Variants in CNTNAP2 observed in about 807,000 individuals in gnomAD.
CNTNAP2 encodes the protein contactin-associated protein-like 2.
In CNTNAP2, 98 loss-of-function variants were observed where a neutral mutation model predicts 155.2. The observed-to-expected ratio is 0.63, with a 90% CI of 0.54 to 0.75. The LOEUF (loss-of-function observed/expected upper bound fraction) is 0.75, where lower values mean the gene tolerates loss of function less well. Among genes scored for constraint, CNTNAP2 ranks in the 30% least tolerant of loss-of-function variants. CNTNAP2 has a pLI of 0.00. For missense variants in CNTNAP2, 1,727 were observed against 1,688.1 expected (o/e 1.02, Z -0.40); for synonymous variants, 651 against 631.2 (o/e 1.03, Z -0.47).
At chr7:146,484,526 C>T (rs961479596) in intron 1 of CNTNAP2, among the ~76,000 whole-genome samples, 13 of 151,560 alleles carry the variant, frequency 8.6e-5, no homozygotes, top group East Asian at 3.9e-4. Flanking sequence ...TATCCTGAGT[C>T]GTTTATATTC....
At chr7:147,064,670 A>G (rs956534831) in intron 4 of CNTNAP2, among the ~76,000 whole-genome samples, 1 of 152,228 alleles carries the variant, frequency 6.6e-6, no homozygotes, top group Non-Finnish European at 1.5e-5. Flanking sequence ...TATTCAATTA[A>G]TAGCAGAGGG....
chr7:147,231,008 G>A (rs1803667108), intron 8 of CNTNAP2, among the ~76,000 whole-genome samples: 1 of 152,182 alleles, frequency 6.6e-6, no homozygotes, highest in Admixed American at 6.5e-5. Flanking sequence ...ATGGTAGAAG[G>A]CAGAAGACAA....
At chr7:147,066,421 A>G (rs1364385938) in intron 4 of CNTNAP2, among the ~76,000 whole-genome samples, 1 of 152,204 alleles carries the variant, frequency 6.6e-6, no homozygotes, top group Non-Finnish European at 1.5e-5. Context: ...TGCCTTCTAG[A>G]TGGGCTTTCC....
intron 3 of CNTNAP2, among the ~76,000 whole-genome samples, chr7:146,973,059 G>A (rs1266498030): frequency 6.6e-6 from 1 of 151,996 alleles, no homozygotes; most frequent in Non-Finnish European, 1.5e-5. Context: ...AGGAAGTTTT[G>A]CTCTTGTTTC....
In CNTNAP2 at chr7:148,172,222, G is replaced by T; in HGVS notation, c.2774-20G>T. On this transcript the variant is annotated intron_variant, in intron 17 of 23. Transcript: ENST00000361727. ...GCAGAGGTTATTCCCTCTGAACTCT[G>T]TGCCTTCTGTCATTCCCAGGTGGTG... is the stretch of plus-strand genomic sequence containing the variant. The T allele has an allele frequency of 6.2e-7, 1 of 1,611,546 alleles. No homozygotes were observed. Among genetic ancestry groups the T allele is most frequent in the South Asian group, 1.1e-5 (1 of 91,040 alleles).
At chr7:147,115,476 C>A (rs116472238) in intron 5 of CNTNAP2, among the ~76,000 whole-genome samples, 2,742 of 152,254 alleles carry the variant, frequency 0.018, 80 homozygotes, top group African/African-American at 0.062. Context: ...GGTTTAGTTT[C>A]TTTACATAAT....
chr7:147,864,607 G>A (rs893252330), intron 13 of CNTNAP2, among the ~76,000 whole-genome samples: 5 of 152,032 alleles, frequency 3.3e-5, no homozygotes, highest in Admixed American at 3.3e-4. Context: ...ATTTCATTGA[G>A]CAGTGTTTTG....
At chr7:146,477,862 G>A (rs1312587133) in intron 1 of CNTNAP2, among the ~76,000 whole-genome samples, 1 of 152,096 alleles carries the variant, frequency 6.6e-6, no homozygotes, top group Non-Finnish European at 1.5e-5. Context: ...GGGTCAGAAA[G>A]TGAGTAATAT....
intron 12 of CNTNAP2, among the ~76,000 whole-genome samples, chr7:147,586,332 G>A (rs1053919734): frequency 2.9e-5 from 4 of 137,772 alleles, no homozygotes; most frequent in African/African-American, 1.0e-4. Flanking sequence ...GGTCAGCTGG[G>A]CCTGAATTTC....
intron 1 of CNTNAP2, among the ~76,000 whole-genome samples, chr7:146,709,081 G>A (rs1801017244): frequency 6.6e-6 from 1 of 151,966 alleles, no homozygotes. Context: ...CATTTATCTG[G>A]GTAACATAAT....
chr7:147,135,713 T>C (rs929337148), intron 8 of CNTNAP2, among the ~76,000 whole-genome samples: 1 of 151,378 alleles, frequency 6.6e-6, no homozygotes, highest in Non-Finnish European at 1.5e-5. Flanking sequence ...TTTGATGAAA[T>C]AAAACTTGCC....
At chr7:148,397,225 C>A (rs1316460013) in intron 22 of CNTNAP2, among the ~76,000 whole-genome samples, 3 of 152,210 alleles carry the variant, frequency 2.0e-5, no homozygotes, top group Admixed American at 2.0e-4. Flanking sequence ...CGGTGCACAA[C>A]CCTGGCTGCA....
chr7:148,229,714 A>T lies in CNTNAP2; in HGVS notation c.3316A>T (p.Asn1106Tyr). 6.2e-7 allele frequency: 1 copy of T among 1,614,186 alleles called. No individual in the cohort carries two copies. The highest frequency in any genetic ancestry group is 8.5e-7 in the Non-Finnish European group (1 of 1,180,014). The change falls in exon 20 of 24, where the codon AAC (asparagine) becomes TAC (tyrosine). Residue 1106 changes from asparagine (N) to tyrosine (Y), a missense_variant. Physicochemically the swap from Asn to Tyr is moderately radical, Grantham distance 143. Transcript: ENST00000361727. ...EPYNIDVDHR[N>Y]MANGQPHSVN... ...ATACAATATTGACGTAGACCACAGGAACATGGCCAATGGACAGCCCCACAG... is the reference window on the plus strand; with the variant it reads ...ATACAATATTGACGTAGACCACAGGTACATGGCCAATGGACAGCCCCACAG...
chr7:146,169,683 T>C (rs1369460478), intron 1 of CNTNAP2, among the ~76,000 whole-genome samples: 2 of 151,848 alleles, frequency 1.3e-5, no homozygotes, highest in African/African-American at 2.4e-5. Flanking sequence ...ATGATTTTTT[T>C]TTTTAGATTT....
intron 18 of CNTNAP2, among the ~76,000 whole-genome samples, chr7:148,183,303 T>C (rs1215154020): frequency 6.6e-6 from 1 of 152,182 alleles, no homozygotes; most frequent in Non-Finnish European, 1.5e-5. Flanking sequence ...TGGCAGATAG[T>C]GGTGGGTTGC....
chr7:147,276,830 C>CAA (rs71182189), intron 8 of CNTNAP2, among the ~76,000 whole-genome samples: 17 of 145,220 alleles, frequency 1.2e-4, no homozygotes, highest in African/African-American at 3.3e-4. Context: ...GTTCAATTGA[C>CAA]AAAAAAAAAA....
chr7:146,528,197 G>T lies in CNTNAP2; in HGVS notation c.98-246074G>T, dbSNP rs577734577. Among the ~76,000 whole-genome samples the T allele has an allele frequency of 2.6e-5, 4 of 152,240 alleles. No individual in the cohort carries two copies. In the East Asian group the frequency reaches 7.7e-4, roughly 29 times the overall value. Reference sequence around the variant, plus strand: ...GAGAAATCCACCCTGGAGAAGACATGAACAGAAAAATAATTACTTATAAAT... The same window carrying T: ...GAGAAATCCACCCTGGAGAAGACATTAACAGAAAAATAATTACTTATAAAT... On this transcript the variant is annotated intron_variant, in intron 1 of 23. Coordinates refer to ENST00000361727, the MANE Select transcript of CNTNAP2 (RefSeq NM_014141.6).
At chr7:146,200,964 T>C (rs1798851455) in intron 1 of CNTNAP2, among the ~76,000 whole-genome samples, 1 of 152,180 alleles carries the variant, frequency 6.6e-6, no homozygotes, top group Non-Finnish European at 1.5e-5. Context: ...GTAGCCTGGA[T>C]AATTTGGGTT....
chr7:146,294,323 G>A (rs1271000355), intron 1 of CNTNAP2, among the ~76,000 whole-genome samples: 5 of 152,134 alleles, frequency 3.3e-5, no homozygotes, highest in South Asian at 2.1e-4. Flanking sequence ...GCCGGACTGC[G>A]CAAAGGACTG....
Sources: gnomAD v4.1 joint callset for allele counts (sites outside exome capture counted in the v4.1 genomes callset) on GRCh38, gnomAD v4.1.1 for gene constraint, MANE v1.5 for transcripts, NCBI Gene and HGNC (gene_info 2026-07-23, HGNC 2026-07-21) for gene names.